INPP4B: variants seen among roughly 807,000 people sequenced by gnomAD.
INPP4B encodes the protein inositol polyphosphate 4-phosphatase type II.
In INPP4B, 55 loss-of-function variants were observed where a neutral mutation model predicts 122.5. The observed-to-expected ratio is 0.45, with a 90% CI of 0.36 to 0.56. The LOEUF (loss-of-function observed/expected upper bound fraction) is 0.56, where lower values mean the gene tolerates loss of function less well. Among genes scored for constraint, INPP4B ranks in the 20% least tolerant of loss-of-function variants. INPP4B has a pLI of 0.00. For synonymous variants in INPP4B, 403 were observed against 388.7 expected, an observed-to-expected ratio of 1.04 and a Z score of -0.43; for missense variants, 1,000 against 1,097.7, an observed-to-expected ratio of 0.91 and a Z score of 1.26.
intron 11 of INPP4B, among the ~76,000 whole-genome samples, chr4:142,249,354 T>G (rs1394852149): frequency 6.6e-6 from 1 of 152,116 alleles, no homozygotes; most frequent in Non-Finnish European, 1.5e-5. Context: ...TCTGTAGAAT[T>G]ATATAATAAT....
At chr4:142,739,380 G>A (rs888811669) in intron 1 of INPP4B, among the ~76,000 whole-genome samples, 3 of 151,982 alleles carry the variant, frequency 2.0e-5, no homozygotes, top group African/African-American at 7.2e-5. Flanking sequence ...GAAAGTAATT[G>A]TTTAGAATTT....
intron 16 of INPP4B, among the ~76,000 whole-genome samples, chr4:142,169,245 A>C (rs925510138): frequency 6.6e-6 from 1 of 151,686 alleles, no homozygotes; most frequent in African/African-American, 2.4e-5. Context: ...AAAAACAGCA[A>C]CATAATTTCT....
chr4:142,603,949 C>G (rs1040583730), intron 2 of INPP4B, among the ~76,000 whole-genome samples: 2 of 151,734 alleles, frequency 1.3e-5, no homozygotes, highest in African/African-American at 4.8e-5. Flanking sequence ...GCCAATACCC[C>G]TGCTGAACAT....
At position 142,533,103 on chromosome 4, in the gene INPP4B, A is replaced by G. The variant is rs182878084; in HGVS notation, c.-190-70377T>C. Among the ~76,000 whole-genome samples the G allele has an allele frequency of 3.2e-4, 49 of 152,316 alleles. No individual in the cohort carries two copies. In the East Asian group the frequency reaches 3.7e-3, roughly 11 times the overall value. Reference sequence around the variant, plus strand: ...TTCCAGTACTATAGTGCCCAAAATTATAGGTCTGAAATGTGATTATGGCAT... The same window carrying G: ...TTCCAGTACTATAGTGCCCAAAATTGTAGGTCTGAAATGTGATTATGGCAT... On this transcript the variant is annotated intron_variant, in intron 2 of 25. Transcript: ENST00000262992.
chr4:142,316,329 C>T (rs1767644253), intron 7 of INPP4B, among the ~76,000 whole-genome samples: 1 of 152,150 alleles, frequency 6.6e-6, no homozygotes, highest in Non-Finnish European at 1.5e-5. Context: ...GCCCAGATTA[C>T]CATTCAGTCC....
chr4:142,473,111 C>G (rs1457708509), intron 2 of INPP4B: 1 of 152,130 alleles, frequency 6.6e-6, no homozygotes, highest in African/African-American at 2.4e-5. Context: ...AGCTACATGA[C>G]TAAGTAAAAT....
intron 2 of INPP4B, among the ~76,000 whole-genome samples, chr4:142,711,705 G>A (rs750743794): frequency 2.0e-5 from 3 of 152,148 alleles, no homozygotes; most frequent in Non-Finnish European, 4.4e-5. Context: ...TTTGGAAAGT[G>A]ATTAAGTCAT....
intron 9 of INPP4B, among the ~76,000 whole-genome samples, chr4:142,275,589 T>C (rs1326772126): frequency 6.6e-6 from 1 of 151,836 alleles, no homozygotes; most frequent in Non-Finnish European, 1.5e-5. Flanking sequence ...TGAATATAAT[T>C]ATACAGCAGT....
intron 24 of INPP4B, among the ~76,000 whole-genome samples, chr4:142,083,795 AT>A (rs1775356327): frequency 6.6e-6 from 1 of 152,092 alleles, no homozygotes; most frequent in African/African-American, 2.4e-5. Context: ...AATAAATAGT[AT>A]TTCATTTTTA....
At chr4:142,560,485 G>A (rs1356703131) in intron 2 of INPP4B, 1 of 152,258 alleles carries the variant, frequency 6.6e-6, no homozygotes, top group Non-Finnish European at 1.5e-5. Context: ...TCCACAATAG[G>A]CTGTCTGCAA....
chr4:142,787,775 T>C (rs1775957947), intron 1 of INPP4B, among the ~76,000 whole-genome samples: 1 of 151,890 alleles, frequency 6.6e-6, no homozygotes, highest in Admixed American at 6.6e-5. Context: ...ACTATCAAAA[T>C]GGAGGTGGAG....
chr4:142,768,400 G>A (rs550643354), intron 1 of INPP4B, among the ~76,000 whole-genome samples: 1 of 152,244 alleles, frequency 6.6e-6, no homozygotes, highest in East Asian at 1.9e-4. Flanking sequence ...GCTACACAAA[G>A]TAGATAGCAA....
intron 25 of INPP4B, among the ~76,000 whole-genome samples, chr4:142,078,417 A>G (rs900347116): frequency 2.0e-5 from 3 of 152,066 alleles, no homozygotes; most frequent in Non-Finnish European, 2.9e-5. Context: ...AATACCACCA[A>G]ATACATAGGA....
chr4:142,623,447 C>G (rs1399627036), intron 2 of INPP4B, among the ~76,000 whole-genome samples: 2 of 151,846 alleles, frequency 1.3e-5, no homozygotes, highest in African/African-American at 4.8e-5. Context: ...TCTAACCTGT[C>G]CTTCATATTT....
chr4:142,258,435 A>C (rs1353265089), intron 11 of INPP4B, among the ~76,000 whole-genome samples: 1 of 152,170 alleles, frequency 6.6e-6, no homozygotes, highest in Non-Finnish European at 1.5e-5. Flanking sequence ...AATGGGAGAA[A>C]ATTTTCGCAA....
chr4:142,735,267 GC>G (rs1766691112), intron 1 of INPP4B, among the ~76,000 whole-genome samples: 1 of 152,110 alleles, frequency 6.6e-6, no homozygotes, highest in African/African-American at 2.4e-5. Flanking sequence ...GGCAACTTTA[GC>G]CAGGAAACAC....
At chr4:142,758,952 CAA>C (rs374234375) in intron 1 of INPP4B, among the ~76,000 whole-genome samples, 2,905 of 96,726 alleles carry the variant, frequency 0.03, 85 homozygotes, top group African/African-American at 0.095. Flanking sequence ...GACTCAGTCT[CAA>C]AAAAAAAAAA....
chr4:142,153,036 C>T (rs1815186881), intron 17 of INPP4B, among the ~76,000 whole-genome samples: 1 of 152,154 alleles, frequency 6.6e-6, no homozygotes, highest in Non-Finnish European at 1.5e-5. Context: ...TAACCAAGTT[C>T]CTACTCTGAA....
At chr4:142,533,093 G>A (rs1417566776) in intron 2 of INPP4B, among the ~76,000 whole-genome samples, 2 of 152,110 alleles carry the variant, frequency 1.3e-5, no homozygotes, top group African/African-American at 2.4e-5. Context: ...GTACTATAGT[G>A]CCCAAAATTA....
Sources: gnomAD v4.1 joint callset for allele counts (sites outside exome capture counted in the v4.1 genomes callset) on GRCh38, gnomAD v4.1.1 for gene constraint, MANE v1.5 for transcripts, NCBI Gene and HGNC (gene_info 2026-07-23, HGNC 2026-07-21) for gene names.